The following CDH8 variants were observed in gnomAD, a reference collection of about 807,000 sequenced individuals.
CDH8 encodes the protein cadherin-8.
A neutral mutation model predicts 68.1 loss-of-function variants in CDH8; 17 were observed. That is an observed-to-expected ratio of 0.25 (90% CI 0.17 to 0.37). The LOEUF (loss-of-function observed/expected upper bound fraction) is 0.37, where lower values mean the gene tolerates loss of function less well. Among genes scored for constraint, CDH8 ranks in the 10% least tolerant of loss-of-function variants. The probability of loss-of-function intolerance (pLI) is 1.00; values close to 1 mark genes in which losing one functional copy is unlikely to be tolerated. For missense variants in CDH8, 763 were observed against 999.3 expected (o/e 0.76, Z 3.19); for synonymous variants, 372 against 365.1 (o/e 1.02, Z -0.21).
At chr16:61,999,698 C>G (rs190135138) in intron 2 of CDH8, among the ~76,000 whole-genome samples, 59 of 152,028 alleles carry the variant, frequency 3.9e-4, no homozygotes, top group Admixed American at 2.4e-3. Flanking sequence ...ATGCATATCG[C>G]TTTCCGTGTG....
intron 2 of CDH8, among the ~76,000 whole-genome samples, chr16:62,015,530 T>C (rs1047703858): frequency 2.0e-5 from 3 of 152,138 alleles, no homozygotes; most frequent in Non-Finnish European, 4.4e-5. Flanking sequence ...CCAGTTACTT[T>C]GTAGTAGAAT....
At chr16:61,856,262 T>C (rs1447554642) in intron 4 of CDH8, among the ~76,000 whole-genome samples, 1 of 152,084 alleles carries the variant, frequency 6.6e-6, no homozygotes, top group Admixed American at 6.6e-5. Flanking sequence ...CCACTGGATA[T>C]AGAAGAAAAT....
chr16:61,695,276 C>T (rs942966241), intron 10 of CDH8, among the ~76,000 whole-genome samples: 1 of 152,108 alleles, frequency 6.6e-6, no homozygotes, highest in African/African-American at 2.4e-5. Context: ...GTAAAGTCCC[C>T]AGTCAATTTT....
At position 61,959,984 on chromosome 16, in the gene CDH8, GTATA is replaced by G. The variant is rs1181394965; in HGVS notation, c.253-58515_253-58512del. 4.0e-3 allele frequency among the ~76,000 whole-genome samples: 178 copies of G among 44,528 alleles called. 21 individuals are homozygous for G. The highest frequency in any genetic ancestry group is 0.011 in the South Asian group (11 of 976). The allele number at this position is 44,528 out of a possible 152,430, so 29.2% of individuals were successfully genotyped here. On this transcript the variant is annotated intron_variant, in intron 2 of 11. Transcript: ENST00000577390. ...GTATGTGGTGTATGTGTGTGTGTGT[GTATA>G]TATATATATATATATATATATATAT...
intron 8 of CDH8, among the ~76,000 whole-genome samples, chr16:61,757,430 T>A (rs1351002993): frequency 4.6e-5 from 7 of 152,148 alleles, no homozygotes; most frequent in Non-Finnish European, 1.0e-4. Context: ...ATTTTTAAAG[T>A]CTTTGAGAAC....
chr16:61,740,159 G>A (rs1959826772), intron 8 of CDH8, among the ~76,000 whole-genome samples: 1 of 151,686 alleles, frequency 6.6e-6, no homozygotes, highest in Non-Finnish European at 1.5e-5. Flanking sequence ...GCCCGCCTTG[G>A]CCTCCCAAAG....
chr16:61,755,192 G>A (rs542728783), intron 8 of CDH8, among the ~76,000 whole-genome samples: 1 of 152,314 alleles, frequency 6.6e-6, no homozygotes, highest in South Asian at 2.1e-4. Context: ...GCCCAGTGAA[G>A]AGTGCAAAGT....
chr16:62,004,953 G>T (rs1480081323), intron 2 of CDH8, among the ~76,000 whole-genome samples: 2 of 152,188 alleles, frequency 1.3e-5, no homozygotes, highest in South Asian at 4.1e-4. Context: ...GTAGCAGAAG[G>T]AGAGGATTTT....
At chr16:61,797,303 A>T (rs1368516590) in intron 7 of CDH8, among the ~76,000 whole-genome samples, 1 of 152,086 alleles carries the variant, frequency 6.6e-6, no homozygotes, top group African/African-American at 2.4e-5. Flanking sequence ...CAAAGTTTTG[A>T]ATGTCGTGGA....
chr16:62,029,230 A>T (rs1423848179), intron 1 of CDH8, among the ~76,000 whole-genome samples: 1 of 152,196 alleles, frequency 6.6e-6, no homozygotes, highest in Non-Finnish European at 1.5e-5. Flanking sequence ...GTAACTATTT[A>T]TTGGATGTTT....
chr16:61,840,108 T>C (rs1478297171), intron 4 of CDH8, among the ~76,000 whole-genome samples: 2 of 152,170 alleles, frequency 1.3e-5, no homozygotes, highest in Non-Finnish European at 2.9e-5. Context: ...ATAACTTTTA[T>C]AAATACCATA....
intron 8 of CDH8, among the ~76,000 whole-genome samples, chr16:61,738,494 G>T (rs555109093): frequency 1.3e-5 from 2 of 152,086 alleles, no homozygotes; most frequent in African/African-American, 2.4e-5. Flanking sequence ...ATTTTAATCC[G>T]ATGGGGAAAA....
chr16:61,887,136 T>G (rs1963689505), intron 3 of CDH8, among the ~76,000 whole-genome samples: 1 of 152,052 alleles, frequency 6.6e-6, no homozygotes, highest in African/African-American at 2.4e-5. Context: ...AGATTGTCCA[T>G]GAACAAATTT....
At chr16:61,738,308 T>A (rs1274433107) in intron 8 of CDH8, among the ~76,000 whole-genome samples, 1 of 152,168 alleles carries the variant, frequency 6.6e-6, no homozygotes, top group Non-Finnish European at 1.5e-5. Context: ...TGCAGGTCTC[T>A]TGTTTATTAC....
intron 9 of CDH8, among the ~76,000 whole-genome samples, chr16:61,722,708 T>G (rs1180506952): frequency 1.3e-5 from 2 of 150,766 alleles, no homozygotes; most frequent in African/African-American, 2.4e-5. Context: ...TCTAAGATTT[T>G]GTGAATATAT....
intron 2 of CDH8, among the ~76,000 whole-genome samples, chr16:61,981,042 A>G (rs1407960902): frequency 6.6e-6 from 1 of 152,130 alleles, no homozygotes; most frequent in Non-Finnish European, 1.5e-5. Flanking sequence ...TACATCAAAC[A>G]ATTTTCCCAA....
rs1964732978 is a variant in CDH8 at position 61,716,496 on chromosome 16, A to G, written c.1537-2538T>C. Among the ~76,000 whole-genome samples, 2 of 151,796 alleles carry G rather than the reference A, an allele frequency of 1.3e-5. 1 individual carries two copies. Among genetic ancestry groups the G allele is most frequent in the South Asian group, 4.1e-4 (2 of 4,832 alleles). ...ACTACTGACTAAAAAGTCTCAGATT[A>G]TAACTCAGCAATCTGTATTTCAAAC... On this transcript the variant is annotated intron_variant, in intron 9 of 11. Coordinates refer to ENST00000577390, the MANE Select transcript of CDH8 (RefSeq NM_001796.5).
At chr16:61,906,980 A>G (rs1472320440) in intron 2 of CDH8, among the ~76,000 whole-genome samples, 1 of 152,224 alleles carries the variant, frequency 6.6e-6, no homozygotes, top group African/African-American at 2.4e-5. Context: ...ATTATCTTGT[A>G]CACAGTCATC....
intron 2 of CDH8, among the ~76,000 whole-genome samples, chr16:61,969,158 G>A (rs1965300075): frequency 6.6e-6 from 1 of 152,170 alleles, no homozygotes; most frequent in African/African-American, 2.4e-5. Flanking sequence ...CCCCTTATAT[G>A]GGCAATAATG....
Sources: gnomAD v4.1 joint callset for allele counts (sites outside exome capture counted in the v4.1 genomes callset) on GRCh38, gnomAD v4.1.1 for gene constraint, MANE v1.5 for transcripts, NCBI Gene and HGNC (gene_info 2026-07-23, HGNC 2026-07-21) for gene names.